Variants in PTPRM observed in about 807,000 individuals in gnomAD.
The protein encoded by PTPRM is protein tyrosine phosphatase receptor type M.
A neutral mutation model predicts 186.7 loss-of-function variants in PTPRM; 47 were observed. The observed-to-expected ratio is 0.25, with a 90% CI of 0.20 to 0.32. The LOEUF is 0.32. Ranked by LOEUF, PTPRM falls within the 10% of genes least tolerant of loss-of-function variation. The probability of loss-of-function intolerance (pLI) is 1.00; values close to 1 mark genes in which losing one functional copy is unlikely to be tolerated. For missense variants in PTPRM, 1,494 were observed against 1,865.0 expected (o/e 0.80, Z 3.66); for synonymous variants, 668 against 674.9 (o/e 0.99, Z 0.16).
intron 19 of PTPRM, among the ~76,000 whole-genome samples, chr18:8,277,010 C>T (rs76878101): frequency 0.067 from 10,165 of 151,268 alleles, 397 homozygotes; most frequent in Middle Eastern, 0.13. Context: ...CGCAGAGTTT[C>T]ACTGCAACCT....
At chr18:7,574,171 T>C (rs1228332577) in intron 1 of PTPRM, among the ~76,000 whole-genome samples, 2 of 152,228 alleles carry the variant, frequency 1.3e-5, no homozygotes, top group African/African-American at 2.4e-5. Context: ...CATTCACTGC[T>C]TAGCCTCTTG....
chr18:8,387,289 C>T, intron 31 of PTPRM, 54 bp downstream of exon 31: 1 of 1,523,606 alleles, frequency 6.6e-7, no homozygotes, highest in Non-Finnish European at 9.0e-7. Context: ...CACACTCACT[C>T]TCACCTCCTA....
At chr18:7,872,023 T>C (rs1004426798) in intron 2 of PTPRM, among the ~76,000 whole-genome samples, 1 of 152,232 alleles carries the variant, frequency 6.6e-6, no homozygotes, top group Non-Finnish European at 1.5e-5. Flanking sequence ...TCTGTTGTTA[T>C]TTTTTGTTCA....
At chr18:8,390,614 G>C (rs2095804719) in intron 31 of PTPRM, among the ~76,000 whole-genome samples, 1 of 152,196 alleles carries the variant, frequency 6.6e-6, no homozygotes, top group Admixed American at 6.5e-5. Context: ...CAAAAAACTT[G>C]ACAGGTACTT....
chr18:7,910,892 G>A (rs1308964697), intron 4 of PTPRM, among the ~76,000 whole-genome samples: 2 of 152,030 alleles, frequency 1.3e-5, no homozygotes, highest in Non-Finnish European at 2.9e-5. Flanking sequence ...AGCATGATTC[G>A]GCCTCAGGTT....
intron 2 of PTPRM, among the ~76,000 whole-genome samples, chr18:7,877,264 C>A (rs1033184994): frequency 1.3e-5 from 2 of 152,078 alleles, no homozygotes; most frequent in African/African-American, 4.8e-5. Flanking sequence ...TTTCACTCCA[C>A]GTTGCACCTA....
At chr18:7,669,701 A>G (rs2039174660) in intron 1 of PTPRM, among the ~76,000 whole-genome samples, 2 of 152,100 alleles carry the variant, frequency 1.3e-5, no homozygotes, top group Admixed American at 1.3e-4. Context: ...TGAGAGGGTT[A>G]GGGAGAGAAT....
At chr18:7,975,731 A>G (rs1008890211) in intron 7 of PTPRM, among the ~76,000 whole-genome samples, 4 of 152,240 alleles carry the variant, frequency 2.6e-5, no homozygotes, top group Admixed American at 2.6e-4. Context: ...CAGTACAGTA[A>G]CATGGTGTAT....
chr18:7,585,774 G>T (rs753866654), intron 1 of PTPRM, among the ~76,000 whole-genome samples: 1 of 152,152 alleles, frequency 6.6e-6, no homozygotes, highest in Non-Finnish European at 1.5e-5. Flanking sequence ...GCTTGTCATC[G>T]TATTTCTCCT....
In PTPRM at chr18:8,244,063, T is replaced by C; in HGVS notation, c.2306T>C (p.Leu769Pro). The part of the protein sequence containing the change: ...GVVLVMKKRK[L>P]AKKRKETMSS... Reference sequence around the variant, plus strand: ...ATTGAATTCTTTATCCTAAGGAAACTGGCCAAGAAGCGGAAAGAGACCATG... The same window carrying C: ...ATTGAATTCTTTATCCTAAGGAAACCGGCCAAGAAGCGGAAAGAGACCATG... The change falls in exon 15 of 33, where the codon CTG becomes CCG. Residue 769 changes from leucine to proline, a missense_variant. This residue lies in a region of PTPRM where 1,107 missense variants were observed against 1,350.2 expected (regional missense o/e 0.82). Coordinates refer to ENST00000580170, the MANE Select transcript of PTPRM (RefSeq NM_001105244.2). 1 of 1,608,240 alleles carries C rather than the reference T, an allele frequency of 6.2e-7. No homozygotes were observed. The highest frequency in any genetic ancestry group is 8.5e-7 in the Non-Finnish European group (1 of 1,178,306).
chr18:7,917,134 GA>G (rs1273597819), intron 4 of PTPRM, among the ~76,000 whole-genome samples: 8 of 152,192 alleles, frequency 5.3e-5, no homozygotes, highest in Non-Finnish European at 1.2e-4. Context: ...AAAAGGTGGT[GA>G]AAAAGCTCCT....
intron 14 of PTPRM, among the ~76,000 whole-genome samples, chr18:8,161,623 G>A (rs1448312736): frequency 2.0e-5 from 3 of 152,038 alleles, no homozygotes; most frequent in Admixed American, 6.5e-5. Flanking sequence ...CCAGTCACCC[G>A]CATGTGATTC....
At chr18:8,378,464 AAGG>A (rs774273109) in intron 27 of PTPRM, 50 bp downstream of exon 27, 1 of 1,589,216 alleles carries the variant, frequency 6.3e-7, no homozygotes, top group East Asian at 2.2e-5. Context: ...GCTCCTCAAG[AAGG>A]ATTTCAAGGT....
chr18:8,177,264 C>T (rs9961979), intron 14 of PTPRM, among the ~76,000 whole-genome samples: 48,571 of 152,144 alleles, frequency 0.32, 8,529 homozygotes, highest in African/African-American at 0.46. Context: ...GCAGTTTCCA[C>T]ACCTCTTTGT....
chr18:8,293,872 A>C (rs558805549), intron 19 of PTPRM, among the ~76,000 whole-genome samples: 1 of 152,194 alleles, frequency 6.6e-6, no homozygotes, highest in Non-Finnish European at 1.5e-5. Context: ...TTAATTTATT[A>C]ATAACCTGAA....
chr18:7,741,562 T>C (rs2040885384), intron 1 of PTPRM: 1 of 152,228 alleles, frequency 6.6e-6, no homozygotes, highest in Admixed American at 6.5e-5. Context: ...CGAAAACACA[T>C]CGGTATTGGA....
intron 32 of PTPRM, chr18:8,403,119 C>G (rs1425883722): frequency 6.6e-6 from 1 of 152,202 alleles, no homozygotes; most frequent in Admixed American, 6.5e-5. Flanking sequence ...AATAGGACCT[C>G]AGGCTCCTGG....
At chr18:8,132,753 G>A (rs1478913486) in intron 13 of PTPRM, among the ~76,000 whole-genome samples, 1 of 152,092 alleles carries the variant, frequency 6.6e-6, no homozygotes, top group Non-Finnish European at 1.5e-5. Flanking sequence ...CCTAGTTAAC[G>A]TTCTAGTCAT....
chr18:8,004,264 A>G (rs2084040847), intron 7 of PTPRM, among the ~76,000 whole-genome samples: 1 of 152,140 alleles, frequency 6.6e-6, no homozygotes, highest in African/African-American at 2.4e-5. Context: ...CCCTTATGAA[A>G]GGGATCCATA....
Sources: allele counts gnomAD v4.1 joint callset (sites outside exome capture counted in the v4.1 genomes callset), GRCh38; gene constraint gnomAD v4.1.1; regional missense constraint gnomAD v4.1.1; transcripts MANE v1.5; gene names NCBI Gene and HGNC (gene_info 2026-07-23, HGNC 2026-07-21).